TADA2A: variants seen among roughly 807,000 people sequenced by gnomAD.
The protein encoded by TADA2A is transcriptional adapter 2-alpha.
In TADA2A, 38 loss-of-function variants were observed where a neutral mutation model predicts 67.4. The ratio of observed to expected loss-of-function variants is 0.56; its 90% confidence interval spans 0.44 to 0.74. TADA2A has a LOEUF of 0.74. Ranked by LOEUF, TADA2A falls within the 30% of genes least tolerant of loss-of-function variation. TADA2A has a pLI of 0.00. For missense variants in TADA2A, 454 were observed against 547.0 expected (o/e 0.83, Z 1.70); for synonymous variants, 192 against 181.6 (o/e 1.06, Z -0.46).
At chr17:37,447,099 A>G (rs2053103925) in intron 8 of TADA2A, among the ~76,000 whole-genome samples, 1 of 152,234 alleles carries the variant, frequency 6.6e-6, no homozygotes, top group Non-Finnish European at 1.5e-5. Flanking sequence ...CTTTAACACA[A>G]CATAAATAAT....
intron 4 of TADA2A, among the ~76,000 whole-genome samples, chr17:37,432,889 A>G (rs1422128970): frequency 1.0e-5 from 1 of 98,250 alleles, no homozygotes; most frequent in African/African-American, 3.9e-5. Context: ...CATTTTAGCT[A>G]TTTTAGTCAG....
At chr17:37,470,152 G>GT (rs1416507870) in intron 12 of TADA2A, among the ~76,000 whole-genome samples, 5 of 152,010 alleles carry the variant, frequency 3.3e-5, no homozygotes, top group African/African-American at 7.2e-5. Flanking sequence ...TTTTCTGTTG[G>GT]TTTTTTTCCC....
chr17:37,434,836 T>G (rs956513099), intron 4 of TADA2A, among the ~76,000 whole-genome samples: 1 of 152,186 alleles, frequency 6.6e-6, no homozygotes, highest in Non-Finnish European at 1.5e-5. Flanking sequence ...ATATTTGATG[T>G]TTCAGTCCTT....
At chr17:37,458,673 G>C (rs1360662087) in intron 9 of TADA2A, 86 bp downstream of exon 9, 5 of 956,408 alleles carry the variant, frequency 5.2e-6, no homozygotes, top group Non-Finnish European at 7.5e-6. Flanking sequence ...GTGTGTGTGT[G>C]TCTGTGTCTG....
At position 37,458,541 on chromosome 17, in the gene TADA2A, G is replaced by T; in HGVS notation, c.622G>T (p.Val208Leu). ...ATTTGTAGCTCTGAAGATGGCTGTG[G>T]TAGATATCTATCATTCCAGGTTAAA... ...DILHALKMAV[V>L]DIYHSRLKER... Residue 208 changes from valine (V) to leucine (L), a missense_variant, in exon 9 of 16, where the codon GTA (valine) becomes TTA (leucine). Val to Leu is a conservative substitution (Grantham distance 32). Around this residue, in one of 2 missense-constraint regions of TADA2A, gnomAD observed 403 missense variants for 455.5 expected, o/e 0.88. Coordinates refer to ENST00000615182, the MANE Select transcript of TADA2A (RefSeq NM_001166105.3). 6.2e-7 allele frequency: 1 copy of T among 1,612,084 alleles called. No homozygotes were observed. The highest frequency in any genetic ancestry group is 2.2e-5 in the East Asian group (1 of 44,808).
At chr17:37,442,106 G>A (rs1303957960) in intron 6 of TADA2A, among the ~76,000 whole-genome samples, 1 of 151,846 alleles carries the variant, frequency 6.6e-6, no homozygotes, top group African/African-American at 2.4e-5. Context: ...ATGCAGACAG[G>A]TTAGTTTGTG....
chr17:37,455,453 T>C (rs910504438), intron 8 of TADA2A, among the ~76,000 whole-genome samples: 3 of 151,908 alleles, frequency 2.0e-5, no homozygotes, highest in Non-Finnish European at 4.4e-5. Context: ...GTGATCTCGG[T>C]TCACTGCAAG....
chr17:37,411,135 G>T, intron 1 of TADA2A, 134 bp from the exon 2 acceptor site: 1 of 583,788 alleles, frequency 1.7e-6, no homozygotes, highest in Non-Finnish European at 3.1e-6. Flanking sequence ...GAAGAAACAG[G>T]TTTTCAGAGG....
intron 9 of TADA2A, among the ~76,000 whole-genome samples, chr17:37,459,795 G>A (rs1221684074): frequency 6.6e-6 from 1 of 151,622 alleles, no homozygotes; most frequent in African/African-American, 2.4e-5. Flanking sequence ...ACTGGGCGCG[G>A]TGGCTCACAC....
At chr17:37,440,916 G>A (rs1015461740) in intron 6 of TADA2A, among the ~76,000 whole-genome samples, 3 of 152,094 alleles carry the variant, frequency 2.0e-5, no homozygotes, top group Admixed American at 6.6e-5. Context: ...CCAACATGGC[G>A]AAACCCTGTC....
At position 37,442,551 on chromosome 17, in the gene TADA2A, T is replaced by C; in HGVS notation, c.443-13T>C. On this transcript the variant is annotated splice_polypyrimidine_tract_variant and intron_variant, in intron 6 of 15. Coordinates refer to ENST00000615182, the MANE Select transcript of TADA2A (RefSeq NM_001166105.3). ...TGTATTAGTTAACTCAGAAACCTTCTAAATTCTTCCAGCTACAGATGACCC... is the reference window on the plus strand; with the variant it reads ...TGTATTAGTTAACTCAGAAACCTTCCAAATTCTTCCAGCTACAGATGACCC... 1 of 1,611,988 alleles carries C rather than the reference T, an allele frequency of 6.2e-7. No individual in the cohort carries two copies. Among genetic ancestry groups the C allele is most frequent in the Non-Finnish European group, 8.5e-7 (1 of 1,178,378 alleles).
intron 8 of TADA2A, among the ~76,000 whole-genome samples, chr17:37,452,532 A>C (rs947244329): frequency 2.6e-5 from 4 of 152,222 alleles, no homozygotes; most frequent in African/African-American, 7.2e-5. Flanking sequence ...AGAGTCCACT[A>C]TAAAACTTGT....
At chr17:37,420,024 AACT>A (rs2052183714) in intron 2 of TADA2A, among the ~76,000 whole-genome samples, 1 of 146,062 alleles carries the variant, frequency 6.8e-6, no homozygotes, top group Non-Finnish European at 1.5e-5. Flanking sequence ...CAAAAAAAAA[AACT>A]ACTTTGCTCA....
chr17:37,426,933 T>A lies in TADA2A; in HGVS notation c.133-17T>A, dbSNP rs760922874. On this transcript the variant is annotated splice_polypyrimidine_tract_variant and intron_variant, in intron 3 of 15. Coordinates refer to ENST00000615182, the MANE Select transcript of TADA2A (RefSeq NM_001166105.3). Reference sequence around the variant, plus strand: ...AAGAAAGTAGCTTTTGCTAATTTAATTTTTCTTTCTTTGCAGTGTTTCACT... The same window carrying A: ...AAGAAAGTAGCTTTTGCTAATTTAAATTTTCTTTCTTTGCAGTGTTTCACT... The A allele has an allele frequency of 6.3e-7, 1 of 1,591,920 alleles. No homozygotes were observed. Among genetic ancestry groups the A allele is most frequent in the Non-Finnish European group, 8.5e-7 (1 of 1,173,246 alleles).
In TADA2A at chr17:37,444,545, G is replaced by A. The variant is rs114714490; in HGVS notation, c.532-151G>A. On this transcript the variant is annotated intron_variant, in intron 7 of 15. Transcript: ENST00000615182. ...TTTTTCCCATGACTTCCTATTACCTGTGCCAGTATTGTGGCCTTTTGCCAT... is the reference window on the plus strand; with the variant it reads ...TTTTTCCCATGACTTCCTATTACCTATGCCAGTATTGTGGCCTTTTGCCAT... 1,580 of 679,024 alleles carry A rather than the reference G, an allele frequency of 2.3e-3. 15 individuals are homozygous for A. The African/African-American group carries it at 0.025, about 11-fold the overall frequency. 42.1% of individuals were successfully genotyped at this position (679,024 alleles called of 1,614,324 possible). A position where few individuals can be genotyped will look rare whatever the true frequency, so the allele number is the denominator to read the frequency against.
chr17:37,462,860 G>C (rs1281017014), intron 10 of TADA2A, among the ~76,000 whole-genome samples: 1 of 151,990 alleles, frequency 6.6e-6, no homozygotes, highest in Non-Finnish European at 1.5e-5. Context: ...TCTTTATTTT[G>C]GATGGTTATA....
At chr17:37,435,752 G>A (rs2052705388) in intron 4 of TADA2A, among the ~76,000 whole-genome samples, 1 of 152,066 alleles carries the variant, frequency 6.6e-6, no homozygotes, top group South Asian at 2.1e-4. Context: ...GCTAATTTTT[G>A]TAGTTTTTGT....
intron 9 of TADA2A, 194 bp from the exon 10 acceptor site, chr17:37,461,884 A>T: frequency 2.0e-6 from 1 of 510,002 alleles, no homozygotes; most frequent in Non-Finnish European, 3.5e-6. Flanking sequence ...AAGAGGAAAA[A>T]CCCGTGATGC....
At chr17:37,474,660 G>A (rs1597953403) in intron 15 of TADA2A, 31 bp downstream of exon 15, 1 of 1,590,356 alleles carries the variant, frequency 6.3e-7, no homozygotes, top group East Asian at 2.2e-5. Flanking sequence ...GGGAGAAAGA[G>A]AATAGGGGCT....
Sources: gnomAD v4.1 joint callset for allele counts (sites outside exome capture counted in the v4.1 genomes callset) on GRCh38, gnomAD v4.1.1 for gene constraint, gnomAD v4.1.1 regional missense constraint, MANE v1.5 for transcripts, NCBI Gene and HGNC (gene_info 2026-07-23, HGNC 2026-07-21) for gene names.